Variants in SNAP23 observed in about 807,000 individuals in gnomAD.
SNAP23 encodes the protein synaptosomal-associated protein 23.
SNAP23 carries 11 observed loss-of-function variants against 29.0 expected under a neutral mutation model. The ratio of observed to expected loss-of-function variants is 0.38; its 90% CI spans 0.24 to 0.63. The LOEUF (loss-of-function observed/expected upper bound fraction) is 0.63. Ranked by LOEUF, SNAP23 falls within the 20% of genes least tolerant of loss-of-function variation. The probability of loss-of-function intolerance (pLI) is 0.58; values close to 1 mark genes in which losing one functional copy is unlikely to be tolerated. For synonymous variants in SNAP23, 60 were observed against 82.9 expected, an observed-to-expected ratio of 0.72 and a Z score of 1.50; for missense variants, 220 against 253.9, an observed-to-expected ratio of 0.87 and a Z score of 0.91.
At chr15:42,502,341 G>GTCTGTAGCTTCTGAC (rs1245390112) in intron 1 of SNAP23, among the ~76,000 whole-genome samples, 3 of 152,168 alleles carry the variant, frequency 2.0e-5, no homozygotes, top group Non-Finnish European at 4.4e-5. Flanking sequence ...TATATTCGCT[G>GTCTGTAGCTTCTGAC]TCTGTAGCTT....
At chr15:42,518,466 C>T (rs562112049) in intron 5 of SNAP23, among the ~76,000 whole-genome samples, 5 of 144,046 alleles carry the variant, frequency 3.5e-5, no homozygotes, top group East Asian at 2.0e-4. Context: ...GACAGGGTCT[C>T]GCTCTGTTAC....
intron 1 of SNAP23, among the ~76,000 whole-genome samples, chr15:42,500,400 T>C (rs1017276597): frequency 6.6e-5 from 10 of 151,510 alleles, no homozygotes; most frequent in African/African-American, 2.4e-4. Flanking sequence ...TTTTTTTTTT[T>C]TTTTTGAGAC....
intron 5 of SNAP23, among the ~76,000 whole-genome samples, chr15:42,526,520 C>A (rs2057504509): frequency 6.6e-6 from 1 of 152,154 alleles, no homozygotes; most frequent in East Asian, 1.9e-4. Flanking sequence ...AGATTCAATT[C>A]TAGGTTTGCC....
intron 1 of SNAP23, among the ~76,000 whole-genome samples, chr15:42,509,431 G>C (rs1485563407): frequency 1.3e-5 from 2 of 151,250 alleles, no homozygotes; most frequent in Non-Finnish European, 2.9e-5. Context: ...TTTAATCAAG[G>C]CTCAAAATCT....
intron 5 of SNAP23, among the ~76,000 whole-genome samples, chr15:42,517,928 G>T (rs1162737231): frequency 6.6e-6 from 1 of 152,000 alleles, no homozygotes; most frequent in African/African-American, 2.4e-5. Flanking sequence ...GCCCAGGCTT[G>T]TATCAAACTC....
chr15:42,510,448 A>C (rs1055204533), intron 1 of SNAP23, among the ~76,000 whole-genome samples: 3 of 152,152 alleles, frequency 2.0e-5, no homozygotes, highest in Non-Finnish European at 2.9e-5. Context: ...AAATGACTGA[A>C]AAGATTTATA....
intron 1 of SNAP23, among the ~76,000 whole-genome samples, chr15:42,496,115 A>AT (rs2057217394): frequency 6.6e-6 from 1 of 152,208 alleles, no homozygotes; most frequent in South Asian, 2.1e-4. Context: ...CTTGCTCTCT[A>AT]GAAAGGTTCA....
chr15:42,527,246 A>G (rs2057512670), intron 5 of SNAP23, among the ~76,000 whole-genome samples: 1 of 152,098 alleles, frequency 6.6e-6, no homozygotes, highest in Non-Finnish European at 1.5e-5. Context: ...CTGATTGTCC[A>G]ATTTGGAAAT....
At chr15:42,520,045 CTTTTT>C (rs201577060) in intron 5 of SNAP23, among the ~76,000 whole-genome samples, 70 of 92,962 alleles carry the variant, frequency 7.5e-4, no homozygotes, top group African/African-American at 3.4e-3. Context: ...AACCCCCTTG[CTTTTT>C]TTTTTTTTTT....
chr15:42,517,007 C>A (rs1478224329), intron 5 of SNAP23, among the ~76,000 whole-genome samples: 1 of 151,816 alleles, frequency 6.6e-6, no homozygotes, highest in Non-Finnish European at 1.5e-5. Flanking sequence ...GCAACTTCCA[C>A]CTCACGGGTT....
At chr15:42,503,849 T>G (rs996502711) in intron 1 of SNAP23, among the ~76,000 whole-genome samples, 1 of 152,194 alleles carries the variant, frequency 6.6e-6, no homozygotes, top group Non-Finnish European at 1.5e-5. Context: ...GTACTTAGTA[T>G]ATTTGCATTT....
intron 3 of SNAP23, 40 bp downstream of exon 3, chr15:42,513,036 A>AT (rs1372273917): frequency 7.2e-7 from 1 of 1,381,438 alleles, no homozygotes; most frequent in Non-Finnish European, 1.0e-6. Context: ...ATAGAAATTT[A>AT]TAGGAGCGAT....
At chr15:42,512,691 A>G (rs753894585) in intron 2 of SNAP23, among the ~76,000 whole-genome samples, 2 of 150,786 alleles carry the variant, frequency 1.3e-5, no homozygotes, top group Non-Finnish European at 3.0e-5. Flanking sequence ...TTTTGTTTTA[A>G]AGGGAAGGAT....
chr15:42,504,343 ATAAAATAAAG>A (rs1397045294), intron 1 of SNAP23, among the ~76,000 whole-genome samples: 1 of 152,134 alleles, frequency 6.6e-6, no homozygotes, highest in Non-Finnish European at 1.5e-5. Context: ...TCCGTCTCAA[ATAAAATAAAG>A]TAAAATAAAA....
intron 1 of SNAP23, among the ~76,000 whole-genome samples, chr15:42,507,729 G>A (rs902037285): frequency 2.0e-5 from 3 of 152,230 alleles, no homozygotes; most frequent in Admixed American, 1.3e-4. Flanking sequence ...TCTCTGACTC[G>A]TCTCAGCAAA....
chr15:42,500,389 C>CTT lies in SNAP23; in HGVS notation c.-15+4691_-15+4692dup, dbSNP rs769547908. On this transcript the variant is annotated intron_variant, in intron 1 of 7. Transcript: ENST00000249647. ...GACAAGGACTGCTCTTTTCTTTTCC[C>CTT]TTTTTTTTTTTTTTTTGAGACAGAG... Among the ~76,000 whole-genome samples the CTT allele has an allele frequency of 5.8e-4, 81 of 138,610 alleles. 2 individuals carry two copies. The highest frequency in any genetic ancestry group is 1.3e-3 in the African/African-American group (48 of 37,814). 90.9% of individuals were successfully genotyped at this position (138,610 alleles called of 152,430 possible). A position where few individuals can be genotyped will look rare whatever the true frequency, so the allele number is the denominator to read the frequency against.
chr15:42,517,303 A>G (rs771630274), intron 5 of SNAP23, among the ~76,000 whole-genome samples: 4 of 152,230 alleles, frequency 2.6e-5, no homozygotes, highest in African/African-American at 4.8e-5. Context: ...TGTACAGATT[A>G]TTTGATACAA....
At chr15:42,520,925 A>G (rs561107212) in intron 5 of SNAP23, among the ~76,000 whole-genome samples, 1 of 152,260 alleles carries the variant, frequency 6.6e-6, no homozygotes, top group African/African-American at 2.4e-5. Context: ...TTGGCACTAC[A>G]GGTTTACTGC....
chr15:42,526,990 G>C (rs2057509621), intron 5 of SNAP23, among the ~76,000 whole-genome samples: 2 of 151,850 alleles, frequency 1.3e-5, no homozygotes, highest in South Asian at 2.1e-4. Flanking sequence ...GGCACGTGGT[G>C]CCACACCCAG....
Sources: allele counts gnomAD v4.1 joint callset (sites outside exome capture counted in the v4.1 genomes callset), GRCh38; gene constraint gnomAD v4.1.1; transcripts MANE v1.5; gene names NCBI Gene and HGNC (gene_info 2026-07-23, HGNC 2026-07-21).